The following SPOCK3 variants were observed in gnomAD, a reference collection of about 807,000 sequenced individuals.
SPOCK3 encodes testican-3.
A neutral mutation model predicts 56.6 loss-of-function variants in SPOCK3; 30 were observed. That is an observed-to-expected ratio of 0.53 (90% confidence interval 0.40 to 0.72). SPOCK3 has a LOEUF of 0.72. SPOCK3 is among the 30% of genes least tolerant of loss of function. SPOCK3 has a pLI of 0.00. For missense variants in SPOCK3, 527 were observed against 530.0 expected, an observed-to-expected ratio of 0.99 and a Z score of 0.06; for synonymous variants, 196 against 183.3, an observed-to-expected ratio of 1.07 and a Z score of -0.56.
At chr4:167,215,536 A>C (rs1735274489) in intron 2 of SPOCK3, among the ~76,000 whole-genome samples, 1 of 152,190 alleles carries the variant, frequency 6.6e-6, no homozygotes, top group East Asian at 1.9e-4. Context: ...TCTAGATGAA[A>C]AACTCACTGT....
chr4:166,792,288 T>G lies in SPOCK3; in HGVS notation c.591A>C (p.Ala197=), dbSNP rs1274780702. 1.2e-6 allele frequency: 2 copies of G among 1,613,594 alleles called. No homozygotes were observed. Among genetic ancestry groups the G allele is most frequent in the African/African-American group, 1.3e-5 (1 of 74,906 alleles). The part of the protein sequence containing the change: ...PTSTSRNVKR[A]CSDLEFREVA... ...CTTCCCTGAACTCCAGGTCACTGCA[T>G]GCTAAAAACAGAGAAACAACACAAG... The change falls in exon 7 of 11, where the codon GCA becomes GCC. Residue 197 remains alanine (A), a splice_region_variant and synonymous_variant. Transcript: ENST00000357545.
intron 2 of SPOCK3, among the ~76,000 whole-genome samples, chr4:167,087,735 TATTTC>T (rs1177432819): frequency 2.0e-5 from 3 of 152,210 alleles, no homozygotes; most frequent in Admixed American, 6.5e-5. Flanking sequence ...ACATGGAAGA[TATTTC>T]ATTTCCTCAT....
At chr4:166,927,695 G>A (rs1276402686) in intron 4 of SPOCK3, among the ~76,000 whole-genome samples, 1 of 151,944 alleles carries the variant, frequency 6.6e-6, no homozygotes, top group Non-Finnish European at 1.5e-5. Flanking sequence ...CAACGCAAGA[G>A]GTATGATCCA....
chr4:167,145,402 T>C (rs1421481024), intron 2 of SPOCK3, among the ~76,000 whole-genome samples: 2 of 152,036 alleles, frequency 1.3e-5, no homozygotes, highest in Admixed American at 6.6e-5. Context: ...GGGAAGCATA[T>C]AATGTTTTTT....
At chr4:167,046,366 T>C (rs1753716712) in intron 3 of SPOCK3, among the ~76,000 whole-genome samples, 1 of 151,888 alleles carries the variant, frequency 6.6e-6, no homozygotes, top group Non-Finnish European at 1.5e-5. Flanking sequence ...GCTTGTTGTC[T>C]GACACAAATT....
intron 2 of SPOCK3, among the ~76,000 whole-genome samples, chr4:167,112,978 T>C (rs1182331677): frequency 6.6e-6 from 1 of 152,156 alleles, no homozygotes; most frequent in African/African-American, 2.4e-5. Context: ...TTTCCTCCCC[T>C]ATCATCAGGC....
intron 4 of SPOCK3, among the ~76,000 whole-genome samples, chr4:166,954,215 G>A (rs1743106668): frequency 1.3e-5 from 2 of 152,078 alleles, no homozygotes; most frequent in Admixed American, 6.6e-5. Flanking sequence ...CCCCTTATCA[G>A]TTATATAGTT....
chr4:166,974,053 A>G (rs889701706), intron 4 of SPOCK3, among the ~76,000 whole-genome samples: 3 of 152,204 alleles, frequency 2.0e-5, no homozygotes, highest in Non-Finnish European at 4.4e-5. Flanking sequence ...GTTAAAGAGT[A>G]AACTGAAAAA....
Position 166,842,157 on chromosome 4 carries a change from G to A in SPOCK3, c.589+46973C>T, listed in dbSNP as rs559559132. ...GTGTTATAGCTCATAGAGGCAGTGC[G>A]GACCCAAAGAGTGAGCAGCAGCAAG... is the stretch of plus-strand genomic sequence containing the variant. On this transcript the variant is annotated intron_variant, in intron 6 of 10. Transcript: ENST00000357545. Among the ~76,000 whole-genome samples, 44 of 152,264 alleles carry A rather than the reference G, an allele frequency of 2.9e-4. No individual in the cohort carries two copies. In the East Asian group the frequency reaches 3.1e-3, roughly 11 times the overall value.
chr4:167,080,036 A>G (rs1420458467), intron 2 of SPOCK3, among the ~76,000 whole-genome samples: 1 of 152,016 alleles, frequency 6.6e-6, no homozygotes, highest in Non-Finnish European at 1.5e-5. Context: ...GGGAGGAGGT[A>G]ATCTCTCACC....
chr4:166,902,034 CATCATGCA>C (rs1477814260), intron 5 of SPOCK3, among the ~76,000 whole-genome samples: 1 of 152,142 alleles, frequency 6.6e-6, no homozygotes, highest in Admixed American at 6.6e-5. Context: ...CATTTTTGCA[CATCATGCA>C]ATCAGAGGCA....
chr4:167,043,471 T>C (rs1580103690), intron 3 of SPOCK3, among the ~76,000 whole-genome samples: 1 of 152,160 alleles, frequency 6.6e-6, no homozygotes, highest in African/African-American at 2.4e-5. Flanking sequence ...TTGCATTAGT[T>C]AGGACTTTCG....
chr4:166,957,071 T>C (rs1743579442), intron 4 of SPOCK3, among the ~76,000 whole-genome samples: 1 of 152,050 alleles, frequency 6.6e-6, no homozygotes, highest in Non-Finnish European at 1.5e-5. Context: ...CTGGCCAACA[T>C]GGTGAAACTC....
intron 6 of SPOCK3, among the ~76,000 whole-genome samples, chr4:166,877,557 A>C (rs1481515409): frequency 6.6e-6 from 1 of 152,172 alleles, no homozygotes; most frequent in Non-Finnish European, 1.5e-5. Context: ...TTTGGTAGGG[A>C]TAGAAGAAAA....
intron 7 of SPOCK3, among the ~76,000 whole-genome samples, chr4:166,775,079 A>G (rs1422092000): frequency 6.6e-6 from 1 of 152,154 alleles, no homozygotes; most frequent in African/African-American, 2.4e-5. Flanking sequence ...CAGAAATATA[A>G]AGGAAGTGAA....
chr4:167,146,904 G>A lies in SPOCK3; in HGVS notation c.190-84367C>T, dbSNP rs189698198. 5.3e-4 allele frequency among the ~76,000 whole-genome samples: 81 copies of A among 152,146 alleles called. 1 individual carries two copies. The highest frequency in any genetic ancestry group is 1.0e-3 in the Non-Finnish European group (68 of 68,002). ...CCTAACATCACACTTAAAAGAACTA[G>A]AGAAGCAAGAGCAAGCAAATTTAAA... On this transcript the variant is annotated intron_variant, in intron 2 of 10. Coordinates refer to ENST00000357545, the MANE Select transcript of SPOCK3 (RefSeq NM_001040159.2).
intron 2 of SPOCK3, among the ~76,000 whole-genome samples, chr4:167,159,835 C>A (rs185612319): frequency 1.9e-3 from 290 of 152,260 alleles, no homozygotes; most frequent in African/African-American, 6.8e-3. Context: ...CAATAAAATT[C>A]AACATCCCTT....
chr4:166,902,035 AT>A (rs1345054685), intron 5 of SPOCK3, among the ~76,000 whole-genome samples: 1 of 152,126 alleles, frequency 6.6e-6, no homozygotes, highest in Admixed American at 6.6e-5. Flanking sequence ...ATTTTTGCAC[AT>A]CATGCAATCA....
intron 4 of SPOCK3, among the ~76,000 whole-genome samples, chr4:166,991,929 G>A (rs1027030371): frequency 1.3e-5 from 2 of 152,124 alleles, no homozygotes; most frequent in Admixed American, 1.3e-4. Flanking sequence ...GATACATGCT[G>A]AAGCGTGTTG....
Sources: allele counts gnomAD v4.1 joint callset (sites outside exome capture counted in the v4.1 genomes callset), GRCh38; gene constraint gnomAD v4.1.1; transcripts MANE v1.5; gene names NCBI Gene and HGNC (gene_info 2026-07-23, HGNC 2026-07-21).